ASTN2: variants seen among roughly 807,000 people sequenced by gnomAD.
ASTN2 encodes the protein astrotactin 2, also known as astrotactin-2.
In ASTN2, 54 loss-of-function variants were observed where a neutral mutation model predicts 139.8. That is an observed-to-expected ratio of 0.39 (90% CI 0.31 to 0.48). ASTN2 has a LOEUF of 0.48. Ranked by LOEUF, ASTN2 falls within the 20% of genes least tolerant of loss-of-function variation. ASTN2 has a pLI of 0.95. For synonymous variants in ASTN2, 756 were observed against 719.5 expected (o/e 1.05, Z -0.81); for missense variants, 1,565 against 1,725.1 (o/e 0.91, Z 1.64).
intron 3 of ASTN2, among the ~76,000 whole-genome samples, chr9:117,177,787 CCTGCGACCTGTTCT>C (rs1830954698): frequency 6.6e-6 from 1 of 152,144 alleles, no homozygotes; most frequent in African/African-American, 2.4e-5. Flanking sequence ...TATGCAGCAA[CCTGCGACCTGTTCT>C]CTCAGCTTCC....
At chr9:117,140,408 G>A (rs189135500) in intron 4 of ASTN2, among the ~76,000 whole-genome samples, 1 of 151,946 alleles carries the variant, frequency 6.6e-6, no homozygotes, top group East Asian at 1.9e-4. Context: ...AAGAAGAGGA[G>A]ACTACTAGTT....
At chr9:117,061,027 AC>A (rs1422684421) in intron 5 of ASTN2, among the ~76,000 whole-genome samples, 1 of 152,196 alleles carries the variant, frequency 6.6e-6, no homozygotes, top group Non-Finnish European at 1.5e-5. Context: ...TTACCAGCAT[AC>A]CACTGGGTTG....
chr9:116,665,475 A>G (rs1259619635), intron 16 of ASTN2, among the ~76,000 whole-genome samples: 1 of 152,220 alleles, frequency 6.6e-6, no homozygotes, highest in Non-Finnish European at 1.5e-5. Context: ...AAAACATTTC[A>G]TAGCTCTGCC....
intron 2 of ASTN2, among the ~76,000 whole-genome samples, chr9:117,272,435 A>G (rs1834089566): frequency 6.6e-6 from 1 of 152,150 alleles, no homozygotes; most frequent in Non-Finnish European, 1.5e-5. Context: ...TGTTTTCCCC[A>G]TGGTCTTGGG....
chr9:116,927,043 G>A (rs1266920566), intron 10 of ASTN2, among the ~76,000 whole-genome samples: 1 of 152,238 alleles, frequency 6.6e-6, no homozygotes, highest in Non-Finnish European at 1.5e-5. Flanking sequence ...CTGGAATATA[G>A]CAAAGAGGTC....
chr9:116,498,725 T>C (rs1490490679), intron 19 of ASTN2, among the ~76,000 whole-genome samples: 1 of 152,164 alleles, frequency 6.6e-6, no homozygotes. Flanking sequence ...TAAGGAAAAT[T>C]CACACAGTGC....
chr9:117,202,980 G>T (rs527933313), intron 3 of ASTN2, among the ~76,000 whole-genome samples: 48 of 151,982 alleles, frequency 3.2e-4, no homozygotes, highest in African/African-American at 1.0e-3. Context: ...CCAATCAATT[G>T]TAGGTTTGGT....
At chr9:116,831,761 G>A (rs570911483) in intron 11 of ASTN2, among the ~76,000 whole-genome samples, 9 of 151,990 alleles carry the variant, frequency 5.9e-5, no homozygotes, top group East Asian at 1.9e-4. Context: ...TTCCTTTGCC[G>A]TTCGTTTAAA....
chr9:116,442,375 A>T, intron 21 of ASTN2, 78 bp downstream of exon 21: 1 of 1,114,690 alleles, frequency 9.0e-7, no homozygotes, highest in Non-Finnish European at 1.4e-6. Context: ...GTGTGTGTTT[A>T]ATGATTAGTG....
intron 19 of ASTN2, among the ~76,000 whole-genome samples, chr9:116,498,069 T>C (rs10983197): frequency 1.3e-5 from 2 of 152,272 alleles, no homozygotes; most frequent in East Asian, 3.9e-4. Flanking sequence ...TGAAAAAGCA[T>C]AGTATCTGGC....
intron 1 of ASTN2, among the ~76,000 whole-genome samples, chr9:117,342,261 C>G (rs1216231011): frequency 6.6e-6 from 1 of 152,166 alleles, no homozygotes; most frequent in Non-Finnish European, 1.5e-5. Flanking sequence ...GAGCTTGAAT[C>G]CCCCATTCTG....
At chr9:117,263,089 T>C (rs1392021303) in intron 2 of ASTN2, among the ~76,000 whole-genome samples, 1 of 152,224 alleles carries the variant, frequency 6.6e-6, no homozygotes, top group East Asian at 1.9e-4. Context: ...GCCTCTAAAT[T>C]TGTAAAACTT....
chr9:116,947,347 G>A (rs541313167), intron 10 of ASTN2, among the ~76,000 whole-genome samples: 40 of 152,298 alleles, frequency 2.6e-4, no homozygotes, highest in South Asian at 1.9e-3. Context: ...AGGCTGATGA[G>A]GTTGTTATTT....
intron 4 of ASTN2, among the ~76,000 whole-genome samples, chr9:117,129,417 C>G (rs1829778875): frequency 6.6e-6 from 1 of 152,186 alleles, no homozygotes; most frequent in Admixed American, 6.5e-5. Flanking sequence ...AGAGTCATCA[C>G]TGAAAATAAA....
At chr9:116,956,487 T>A (rs1346467351) in intron 10 of ASTN2, among the ~76,000 whole-genome samples, 1 of 148,304 alleles carries the variant, frequency 6.7e-6, no homozygotes, top group Non-Finnish European at 1.5e-5. Context: ...TTATTTAACA[T>A]AATATCAAAC....
At chr9:117,008,298 T>C (rs1214465198) in intron 6 of ASTN2, 39 bp from the exon 7 acceptor site, 2 of 1,532,856 alleles carry the variant, frequency 1.3e-6, no homozygotes, top group Admixed American at 3.9e-5. Context: ...TCTTACTGAT[T>C]TTAAGGTCTT....
rs367647111 is a variant in ASTN2, at chr9:117,023,637, C to A, written c.1424-15378G>T. ...GGCAGGGGCTGTGTCTTTTCCAGCA[C>A]AGCATCTTGACTGCCCCATGACACA... On this transcript the variant is annotated intron_variant, in intron 6 of 22. Coordinates refer to ENST00000313400, the MANE Select transcript of ASTN2 (RefSeq NM_001365068.1). Among the ~76,000 whole-genome samples, 23 of 152,214 alleles carry A rather than the reference C, an allele frequency of 1.5e-4. 1 individual carries two copies. The highest frequency in any genetic ancestry group is 5.3e-4 in the African/African-American group (22 of 41,540).
In ASTN2 at chr9:117,310,038, A is replaced by C. The variant is rs574770039; in HGVS notation, c.443-18525T>G. 1.1e-4 allele frequency among the ~76,000 whole-genome samples: 17 copies of C among 152,264 alleles called. No homozygotes were observed. In the South Asian group the frequency reaches 2.9e-3, roughly 26 times the overall value. On this transcript the variant is annotated intron_variant, in intron 1 of 22. Transcript: ENST00000313400. ...TTTCTTCATCTCTGGAATGGGGTAA[A>C]TAATGGGGTAACTTGACAGGGTGTG...
At position 116,814,617 on chromosome 9, in the gene ASTN2, T is replaced by C. The variant is rs1174546932; in HGVS notation, c.2207+6000A>G. Among the ~76,000 whole-genome samples the C allele has an allele frequency of 2.0e-5, 3 of 152,286 alleles. No homozygotes were observed. In the East Asian group the frequency reaches 5.8e-4, roughly 29 times the overall value. ...ATTAAAACTAAGATACCTTCCCACT[T>C]CAGAAATGTTAAAATGTGGAAAATA... is the stretch of plus-strand genomic sequence containing the variant. On this transcript the variant is annotated intron_variant, in intron 12 of 22. Coordinates refer to ENST00000313400, the MANE Select transcript of ASTN2 (RefSeq NM_001365068.1).
Sources: allele counts gnomAD v4.1 joint callset (sites outside exome capture counted in the v4.1 genomes callset), GRCh38; gene constraint gnomAD v4.1.1; transcripts MANE v1.5; gene names NCBI Gene and HGNC (gene_info 2026-07-23, HGNC 2026-07-21).